Variants in HIPK3 observed in about 807,000 individuals in gnomAD.
The protein encoded by HIPK3 is homeodomain-interacting protein kinase 3.
A neutral mutation model predicts 124.2 loss-of-function variants in HIPK3; 47 were observed. The observed-to-expected ratio is 0.38, with a 90% CI of 0.30 to 0.48. The LOEUF (loss-of-function observed/expected upper bound fraction) is 0.48. Among genes scored for constraint, HIPK3 ranks in the 20% least tolerant of loss-of-function variants. The pLI is 0.98. For missense variants in HIPK3, 1,286 were observed against 1,454.3 expected (o/e 0.88, Z 1.88); for synonymous variants, 482 against 515.2 (o/e 0.94, Z 0.87).
In HIPK3 at chr11:33,353,545, C is replaced by T; in HGVS notation, c.3625C>T (p.Leu1209Phe). ...TGGATTTCCACTGAGTCCAACAAAACTCAGCCAGTATCCATATATGTGAAA... is the reference window on the plus strand; with the variant it reads ...TGGATTTCCACTGAGTCCAACAAAATTCAGCCAGTATCCATATATGTGAAA... The part of the protein sequence containing the change: ...YTGFPLSPTK[L>F]SQYPYM The change falls in exon 17 of 17, where the codon CTC (leucine) becomes TTC (phenylalanine). Residue 1209 changes from leucine (L) to phenylalanine (F), a missense_variant. By Grantham distance (22) the Leu-to-Phe change is conservative. Around this residue, in one of 3 missense-constraint regions of HIPK3, gnomAD observed 810 missense variants for 864.9 expected, o/e 0.94. Transcript: ENST00000303296. 6.2e-7 allele frequency: 1 copy of T among 1,606,874 alleles called. No homozygotes were observed. The highest frequency in any genetic ancestry group is 8.5e-7 in the Non-Finnish European group (1 of 1,173,448).
chr11:33,271,000 G>C (rs1426693594), intron 1 of HIPK3, among the ~76,000 whole-genome samples: 1 of 152,136 alleles, frequency 6.6e-6, no homozygotes, highest in Non-Finnish European at 1.5e-5. Flanking sequence ...TCTTGTTAAT[G>C]TGAATGATAT....
At position 33,261,295 on chromosome 11, in the gene HIPK3, C is replaced by T. The variant is rs577930225; in HGVS notation, c.-3+3406C>T. Among the ~76,000 whole-genome samples the T allele has an allele frequency of 4.6e-5, 7 of 151,038 alleles. No individual in the cohort carries two copies. The South Asian group carries it at 6.3e-4, about 13-fold the overall frequency. The stretch of plus-strand genomic sequence containing the variant: ...ACTTGTGTCATGTGTGTTTGATGTA[C>T]GGATTATTTTGTCACTCAGGGACTA... On this transcript the variant is annotated intron_variant, in intron 1 of 16. Coordinates refer to ENST00000303296, the MANE Select transcript of HIPK3 (RefSeq NM_005734.5).
Position 33,355,326 on chromosome 11 carries a change from T to TA in HIPK3, c.*1758_*1759insA, listed in dbSNP as rs1853787530. The stretch of plus-strand genomic sequence containing the variant: ...TGCATCAGTATTTTATCTCTATTAA[T>TA]GTTTGTGCTCATCACTGCATATTAA... On this transcript the variant is annotated 3_prime_UTR_variant, in exon 17 of 17. Transcript: ENST00000303296. 1.3e-5 allele frequency: 2 copies of TA among 152,086 alleles called. No homozygotes were observed. The highest frequency in any genetic ancestry group is 4.8e-5 in the African/African-American group (2 of 41,458). The allele number at this position is 152,086 out of a possible 1,614,324, so 9.4% of individuals were successfully genotyped here.
intron 1 of HIPK3, among the ~76,000 whole-genome samples, chr11:33,284,123 G>C (rs1356904672): frequency 1.3e-5 from 2 of 152,196 alleles, no homozygotes; most frequent in East Asian, 3.8e-4. Flanking sequence ...ATGGTAATCT[G>C]TGGATTCTGA....
intron 2 of HIPK3, among the ~76,000 whole-genome samples, chr11:33,305,643 C>T (rs1235821914): frequency 6.6e-6 from 1 of 152,196 alleles, no homozygotes; most frequent in African/African-American, 2.4e-5. Flanking sequence ...TTGTGGATCT[C>T]TATTTCCCAC....
At chr11:33,312,553 ACT>A (rs1376559863) in intron 2 of HIPK3, among the ~76,000 whole-genome samples, 1 of 152,108 alleles carries the variant, frequency 6.6e-6, no homozygotes, top group East Asian at 1.9e-4. Context: ...TTTGTAAAAG[ACT>A]CTGCCAGGGA....
At chr11:33,347,096 TC>T (rs1396779993) in intron 8 of HIPK3, among the ~76,000 whole-genome samples, 196 bp from the exon 9 acceptor site, 1 of 151,562 alleles carries the variant, frequency 6.6e-6, no homozygotes, top group African/African-American at 2.4e-5. Flanking sequence ...GGTGGGAGGA[TC>T]CACTTGAGTC....
chr11:33,336,992 A>C, intron 3 of HIPK3, 83 bp from the exon 4 acceptor site: 1 of 950,292 alleles, frequency 1.1e-6, no homozygotes, highest in South Asian at 1.7e-5. Context: ...TTCATACCTG[A>C]CCTAACATAT....
intron 1 of HIPK3, among the ~76,000 whole-genome samples, chr11:33,268,039 C>T (rs1406236269): frequency 6.6e-6 from 1 of 151,426 alleles, no homozygotes; most frequent in African/African-American, 2.4e-5. Flanking sequence ...GGTGAAACCC[C>T]ATCTCTACTA....
At chr11:33,352,964 AAGTT>A (rs1853710072) in intron 16 of HIPK3, 124 bp from the exon 17 acceptor site, 4 of 599,164 alleles carry the variant, frequency 6.7e-6, no homozygotes, top group Non-Finnish European at 1.2e-5. Context: ...TTCTTAGTAT[AAGTT>A]AGTTCTGAGA....
intron 2 of HIPK3, among the ~76,000 whole-genome samples, chr11:33,293,766 T>TA (rs1851764492): frequency 6.6e-6 from 1 of 152,140 alleles, no homozygotes; most frequent in African/African-American, 2.4e-5. Context: ...TTAGTGCCTC[T>TA]AAAATGTAAA....
In HIPK3 at chr11:33,355,876, A is replaced by C. The variant is rs1853803920; in HGVS notation, c.*2308A>C. The C allele has an allele frequency of 6.6e-6, 1 of 151,878 alleles. No homozygotes were observed. The allele number at this position is 151,878 out of a possible 1,614,324, so 9.4% of individuals were successfully genotyped here. ...TTAAATGTTTAAAAAGGAGTAGCCTAAGATTAATTTAAAAGATTATTTACA... is the reference window on the plus strand; with the variant it reads ...TTAAATGTTTAAAAAGGAGTAGCCTCAGATTAATTTAAAAGATTATTTACA... On this transcript the variant is annotated 3_prime_UTR_variant, in exon 17 of 17. Transcript: ENST00000303296.
At chr11:33,342,651 A>G (rs1333777320) in intron 8 of HIPK3, among the ~76,000 whole-genome samples, 4 of 151,908 alleles carry the variant, frequency 2.6e-5, no homozygotes, top group Non-Finnish European at 5.9e-5. Context: ...CCCGGGTTCA[A>G]GCAATTCTGC....
intron 4 of HIPK3, among the ~76,000 whole-genome samples, chr11:33,337,636 G>A (rs866470331): frequency 3.1e-4 from 46 of 150,792 alleles, no homozygotes; most frequent in African/African-American, 9.7e-4. Context: ...GATTACAGGC[G>A]TGATCCACCA....
At chr11:33,336,670 TTC>T (rs549530065) in intron 3 of HIPK3, among the ~76,000 whole-genome samples, 3 of 152,328 alleles carry the variant, frequency 2.0e-5, no homozygotes, top group Non-Finnish European at 4.4e-5. Flanking sequence ...TCTCTTACCA[TTC>T]TCTGTTAGTG....
intron 1 of HIPK3, among the ~76,000 whole-genome samples, chr11:33,281,116 C>G (rs1590352698): frequency 7.2e-6 from 1 of 138,120 alleles, no homozygotes; most frequent in African/African-American, 2.7e-5. Flanking sequence ...GTCGCCCAGG[C>G]TGGAGTGCAG....
At chr11:33,265,681 C>T (rs910492736) in intron 1 of HIPK3, among the ~76,000 whole-genome samples, 6 of 133,392 alleles carry the variant, frequency 4.5e-5, no homozygotes, top group African/African-American at 8.6e-5. Context: ...GGCTGAGGTG[C>T]GAGATTACTT....
chr11:33,268,640 A>G (rs1166700253), intron 1 of HIPK3, among the ~76,000 whole-genome samples: 1 of 151,930 alleles, frequency 6.6e-6, no homozygotes, highest in Non-Finnish European at 1.5e-5. Flanking sequence ...CTTGTATGAA[A>G]AGGTGTTTGG....
At position 33,353,659 on chromosome 11, in the gene HIPK3, ATT is replaced by A; in HGVS notation, c.*95_*96del. 1.1e-6 allele frequency: 1 copy of A among 907,614 alleles called. No individual in the cohort carries two copies. Among genetic ancestry groups the A allele is most frequent in the South Asian group, 1.6e-5 (1 of 60,740 alleles). 56.2% of individuals were successfully genotyped at this position (907,614 alleles called of 1,614,324 possible). On this transcript the variant is annotated 3_prime_UTR_variant, in exon 17 of 17. Transcript: ENST00000303296. ...ATATTAGCCATGGCACAAGAAAATT[ATT>A]TTTGAATCATGTAGACTTGGGTGCA...
Sources: gnomAD v4.1 joint callset for allele counts (sites outside exome capture counted in the v4.1 genomes callset) on GRCh38, gnomAD v4.1.1 for gene constraint, gnomAD v4.1.1 regional missense constraint, MANE v1.5 for transcripts, NCBI Gene and HGNC (gene_info 2026-07-23, HGNC 2026-07-21) for gene names.